The following CHD6 variants were observed in gnomAD, a reference collection of about 807,000 sequenced individuals.
CHD6 encodes ATP-dependent chromatin remodeler CHD6.
A neutral mutation model predicts 276.9 loss-of-function variants in CHD6; 50 were observed. The observed-to-expected ratio is 0.18, with a 90% CI of 0.14 to 0.23. CHD6 has a LOEUF of 0.23. CHD6 is among the 10% of genes least tolerant of loss of function. The pLI is 1.00. For missense variants in CHD6, 2,564 were observed against 3,365.8 expected (o/e 0.76, Z 5.89); for synonymous variants, 1,173 against 1,229.3 (o/e 0.95, Z 0.96).
intron 5 of CHD6, among the ~76,000 whole-genome samples, chr20:41,503,444 C>T (rs900618413): frequency 6.6e-6 from 1 of 151,978 alleles, no homozygotes. Flanking sequence ...TTGTAGTGGC[C>T]AGGTCCTACA....
chr20:41,513,778 A>G (rs1208411094), intron 4 of CHD6, among the ~76,000 whole-genome samples: 1 of 152,228 alleles, frequency 6.6e-6, no homozygotes, highest in Non-Finnish European at 1.5e-5. Context: ...AAAAAACAAA[A>G]GCAAAAGCAA....
rs74470126 is a variant in CHD6, at chr20:41,411,305, T to C, written c.7251+839A>G. Among the ~76,000 whole-genome samples, 254 of 151,732 alleles carry C rather than the reference T, an allele frequency of 1.7e-3. 5 individuals are homozygous for C. The East Asian group carries it at 0.045, about 27-fold the overall frequency. The stretch of plus-strand genomic sequence containing the variant: ...TAGGGTGGGCGGTCTTTTGGAGCTA[T>C]AAAAAGAAATCACATTCAAGCAATC... On this transcript the variant is annotated intron_variant, in intron 36 of 36. Transcript: ENST00000373233.
chr20:41,435,718 C>T (rs1401677488), intron 27 of CHD6, among the ~76,000 whole-genome samples: 2 of 152,114 alleles, frequency 1.3e-5, no homozygotes, highest in South Asian at 4.1e-4. Context: ...TAAAGCAATG[C>T]CTATCAAAAT....
chr20:41,511,736 T>C (rs1300281052), intron 5 of CHD6, among the ~76,000 whole-genome samples: 1 of 152,182 alleles, frequency 6.6e-6, no homozygotes, highest in African/African-American at 2.4e-5. Context: ...CAGCCTGCGG[T>C]GCCATTCAGT....
chr20:41,539,894 A>T (rs1168802467), intron 2 of CHD6, among the ~76,000 whole-genome samples: 2 of 152,256 alleles, frequency 1.3e-5, no homozygotes, highest in African/African-American at 4.8e-5. Flanking sequence ...TTTAAAAGAC[A>T]TGAAACATGT....
rs528495855 is a variant in CHD6, at chr20:41,564,696, G to A, written c.-23-13336C>T. ...AAAATTTTTAAAAATCTTACTTAAA[G>A]GCTATGTTAATCCAAAGTTAATGAG... On this transcript the variant is annotated intron_variant, in intron 1 of 36. Coordinates refer to ENST00000373233, the MANE Select transcript of CHD6 (RefSeq NM_032221.5). 7.2e-5 allele frequency among the ~76,000 whole-genome samples: 11 copies of A among 152,274 alleles called. 1 individual carries two copies. In the South Asian group the frequency reaches 2.1e-3, roughly 29 times the overall value.
Position 41,493,518 on chromosome 20 carries a change from G to T in CHD6, c.1314+20C>A. The T allele has an allele frequency of 6.2e-7, 1 of 1,611,890 alleles. No homozygotes were observed. The highest frequency in any genetic ancestry group is 8.5e-7 in the Non-Finnish European group (1 of 1,178,630). Reference sequence around the variant, plus strand: ...ATTACATGTTCCGAGAAGTGCCAGAGAGAGACAAAACTACTTTACCACATG... The same window carrying T: ...ATTACATGTTCCGAGAAGTGCCAGATAGAGACAAAACTACTTTACCACATG... On this transcript the variant is annotated intron_variant, in intron 10 of 36. Transcript: ENST00000373233.
intron 34 of CHD6, 111 bp from the exon 35 acceptor site, chr20:41,413,626 A>AT: frequency 1.1e-6 from 1 of 935,902 alleles, no homozygotes. Context: ...TTCCACCCTG[A>AT]TATTACTCAG....
In CHD6 at chr20:41,437,256, A is replaced by T. The variant is rs531027292; in HGVS notation, c.4068+18T>A. The stretch of plus-strand genomic sequence containing the variant: ...ATGAAAGACGGTGTAAATGACCAAT[A>T]CTGCACATTTGACTCACCGTTTGTT... On this transcript the variant is annotated intron_variant, in intron 27 of 36. Transcript: ENST00000373233. The T allele has an allele frequency of 5.0e-6, 8 of 1,596,530 alleles. No individual in the cohort carries two copies. Among genetic ancestry groups the T allele is most frequent in the Non-Finnish European group, 6.9e-6 (8 of 1,164,192 alleles).
At chr20:41,529,249 A>G (rs1289125251) in intron 3 of CHD6, among the ~76,000 whole-genome samples, 1 of 152,202 alleles carries the variant, frequency 6.6e-6, no homozygotes, top group African/African-American at 2.4e-5. Flanking sequence ...TTTCAAGGAG[A>G]AGAGCTCTAT....
rs745440946 is a variant in CHD6 at position 41,498,157 on chromosome 20, A to C, written c.974+11T>G. The C allele has an allele frequency of 6.3e-7, 1 of 1,592,828 alleles. No homozygotes were observed. Among genetic ancestry groups the C allele is most frequent in the Non-Finnish European group, 8.6e-7 (1 of 1,164,196 alleles). ...AAACCCAAATACAGAGAATACTTTA[A>C]ATAGACGTACAAATTTCTATACTTA... On this transcript the variant is annotated intron_variant, in intron 7 of 36. Coordinates refer to ENST00000373233, the MANE Select transcript of CHD6 (RefSeq NM_032221.5).
intron 1 of CHD6, among the ~76,000 whole-genome samples, chr20:41,585,511 C>CAAAAA (rs60920576): frequency 8.1e-5 from 6 of 74,214 alleles, no homozygotes; most frequent in Non-Finnish European, 1.3e-4. Flanking sequence ...TCCGTCTCAC[C>CAAAAA]AAAAAAAAAA....
intron 26 of CHD6, 103 bp from the exon 27 acceptor site, chr20:41,437,437 G>C: frequency 1.4e-6 from 1 of 703,680 alleles, no homozygotes; most frequent in Non-Finnish European, 2.4e-6. Context: ...AAGATATTTT[G>C]GGGGAGAGAC....
In CHD6 at chr20:41,483,298, A is replaced by C. The variant is rs777811720; in HGVS notation, c.2468+11T>G. 18 of 1,601,330 alleles carry C rather than the reference A, an allele frequency of 1.1e-5. No homozygotes were observed. The highest frequency in any genetic ancestry group is 1.4e-5 in the Non-Finnish European group (17 of 1,174,422). On this transcript the variant is annotated intron_variant, in intron 16 of 36. Coordinates refer to ENST00000373233, the MANE Select transcript of CHD6 (RefSeq NM_032221.5). The stretch of plus-strand genomic sequence containing the variant: ...CCATTGTTGAATGCAGAGCTTTGAC[A>C]CAAGTCTCACCTTCTCTGGATGAGG...
chr20:41,514,700 T>C lies in CHD6; in HGVS notation c.702+105A>G, dbSNP rs555665061. ...AAACGGTAAAAGCCCAGCCCAGGGC[T>C]AGGGAGTGTGCTAGAGAAAGGCATA... On this transcript the variant is annotated intron_variant, in intron 4 of 36. Transcript: ENST00000373233. 34 of 1,314,008 alleles carry C rather than the reference T, an allele frequency of 2.6e-5. No individual in the cohort carries two copies. In the African/African-American group the frequency reaches 4.3e-4, roughly 16 times the overall value. 81.4% of individuals were successfully genotyped at this position (1,314,008 alleles called of 1,614,324 possible).
At chr20:41,460,146 T>C (rs2048499200) in intron 17 of CHD6, among the ~76,000 whole-genome samples, 1 of 152,206 alleles carries the variant, frequency 6.6e-6, no homozygotes. Flanking sequence ...AAGGATGATT[T>C]AGGGTATCTG....
rs553926886 is a variant in CHD6, at chr20:41,474,432, C to T, written c.2469-915G>A. Among the ~76,000 whole-genome samples the T allele has an allele frequency of 5.3e-5, 8 of 152,234 alleles. No individual in the cohort carries two copies. The South Asian group carries it at 1.0e-3, about 20-fold the overall frequency. On this transcript the variant is annotated intron_variant, in intron 16 of 36. Coordinates refer to ENST00000373233, the MANE Select transcript of CHD6 (RefSeq NM_032221.5). ...AGCAGCAATCTGGACAGCTGCTGGG[C>T]GTCTTATTCTTTTCCTATTTACCCC...
chr20:41,599,897 G>GCTTA (rs1250524003), intron 1 of CHD6, among the ~76,000 whole-genome samples: 1 of 152,200 alleles, frequency 6.6e-6, no homozygotes, highest in Non-Finnish European at 1.5e-5. Context: ...AATTGGGTCA[G>GCTTA]CTTAGACTGT....
rs1032816198 is a variant in CHD6, at chr20:41,408,076, TA to T, written c.7252-2588del. On this transcript the variant is annotated intron_variant, in intron 36 of 36. Coordinates refer to ENST00000373233, the MANE Select transcript of CHD6 (RefSeq NM_032221.5). ...CCAAGAATATTAAAAAAATAAAAAA[TA>T]AAAAAAAAACCCAGTTCATCATAGA... Among the ~76,000 whole-genome samples the T allele has an allele frequency of 1.5e-4, 22 of 146,952 alleles. 1 individual carries two copies. In the South Asian group the frequency reaches 1.9e-3, roughly 13 times the overall value.
Sources: gnomAD v4.1 joint callset for allele counts (sites outside exome capture counted in the v4.1 genomes callset) on GRCh38, gnomAD v4.1.1 for gene constraint, MANE v1.5 for transcripts, NCBI Gene and HGNC (gene_info 2026-07-23, HGNC 2026-07-21) for gene names.